The following ENKUR variants were observed in gnomAD, a reference collection of about 807,000 sequenced individuals.
The protein encoded by ENKUR is enkurin.
In ENKUR, 19 loss-of-function variants were observed where a neutral mutation model predicts 27.6. The ratio of observed to expected loss-of-function variants is 0.69; its 90% confidence interval spans 0.48 to 1.01. The LOEUF is 1.01. Ranked by LOEUF, ENKUR falls within the 50% of genes least tolerant of loss-of-function variation. The probability of loss-of-function intolerance (pLI) is 0.00; values close to 1 mark genes in which losing one functional copy is unlikely to be tolerated. For missense variants in ENKUR, 312 were observed against 310.5 expected (o/e 1.00, Z -0.04); for synonymous variants, 117 against 96.9 (o/e 1.21, Z -1.22).
At chr10:25,042,694 G>A (rs1851078086) in intron 2 of ENKUR, among the ~76,000 whole-genome samples, 1 of 151,976 alleles carries the variant, frequency 6.6e-6, no homozygotes, top group Non-Finnish European at 1.5e-5. Context: ...TATACAAAAT[G>A]GAAGAGCACC....
chr10:25,031,174 A>T (rs778466405), intron 2 of ENKUR, among the ~76,000 whole-genome samples: 7 of 152,186 alleles, frequency 4.6e-5, no homozygotes, highest in Admixed American at 1.3e-4. Context: ...CCCAAACCTT[A>T]TGTGCATGCT....
intron 2 of ENKUR, among the ~76,000 whole-genome samples, chr10:25,056,843 C>T (rs1851263026): frequency 1.3e-5 from 2 of 152,158 alleles, no homozygotes; most frequent in South Asian, 4.1e-4. Context: ...CAAAACTTAA[C>T]ACTAGGACCT....
At chr10:25,058,106 G>A (rs566328543) in intron 2 of ENKUR, among the ~76,000 whole-genome samples, 4 of 151,972 alleles carry the variant, frequency 2.6e-5, no homozygotes, top group Admixed American at 1.3e-4. Context: ...CAGAGTCCAC[G>A]AGTAATCTGT....
At chr10:25,022,999 A>G (rs1262288010) in intron 2 of ENKUR, among the ~76,000 whole-genome samples, 2 of 152,208 alleles carry the variant, frequency 1.3e-5, no homozygotes, top group Non-Finnish European at 2.9e-5. Flanking sequence ...ATAATATGCA[A>G]TATATAAGAA....
intron 2 of ENKUR, among the ~76,000 whole-genome samples, chr10:25,059,378 C>T (rs552573451): frequency 5.9e-5 from 9 of 152,178 alleles, no homozygotes; most frequent in South Asian, 2.1e-4. Flanking sequence ...GTGATCCACC[C>T]GCCTCAGCCT....
chr10:25,041,352 A>G (rs1190525651), intron 2 of ENKUR, among the ~76,000 whole-genome samples: 1 of 152,108 alleles, frequency 6.6e-6, no homozygotes, highest in Non-Finnish European at 1.5e-5. Flanking sequence ...TTAAATTTTC[A>G]TATGTCTAGC....
At chr10:24,985,974 G>A (rs937088925) in intron 4 of ENKUR, among the ~76,000 whole-genome samples, 6 of 152,120 alleles carry the variant, frequency 3.9e-5, no homozygotes, top group African/African-American at 7.2e-5. Context: ...AGGCTGAGGT[G>A]GGAGGATCAC....
intron 2 of ENKUR, chr10:25,025,519 T>A: frequency 6.9e-7 from 1 of 1,451,730 alleles, no homozygotes; most frequent in South Asian, 1.4e-5. Context: ...CAAACACTGA[T>A]TTGGAGTACA....
chr10:25,044,593 C>T (rs1359749584), intron 2 of ENKUR, among the ~76,000 whole-genome samples: 2 of 152,140 alleles, frequency 1.3e-5, no homozygotes, highest in Non-Finnish European at 2.9e-5. Flanking sequence ...GACATAGTCT[C>T]GCTATGTTGC....
chr10:25,012,541 T>C (rs61853349), intron 1 of ENKUR, among the ~76,000 whole-genome samples: 244 of 152,308 alleles, frequency 1.6e-3, no homozygotes, highest in Non-Finnish European at 2.5e-3. Flanking sequence ...ATGTGAGACA[T>C]GGAGTCAAAG....
chr10:24,993,299 T>C (rs1413751717), intron 3 of ENKUR, among the ~76,000 whole-genome samples: 1 of 152,210 alleles, frequency 6.6e-6, no homozygotes, highest in Non-Finnish European at 1.5e-5. Context: ...TACTATTCAC[T>C]CTTTGTTCTT....
chr10:25,017,467 G>A (rs995451431), upstream of ENKUR, among the ~76,000 whole-genome samples: 6 of 152,128 alleles, frequency 3.9e-5, no homozygotes, highest in Admixed American at 3.9e-4. Context: ...TTGAGTCTGG[G>A]TTTCTCACTG....
chr10:24,987,333 C>G (rs1849801458), intron 4 of ENKUR, among the ~76,000 whole-genome samples: 1 of 152,060 alleles, frequency 6.6e-6, no homozygotes, highest in Non-Finnish European at 1.5e-5. Context: ...TCACTTCTGT[C>G]AATAATTCCT....
At position 25,015,990 on chromosome 10, in the gene ENKUR, C is replaced by G. The variant is rs1201694495; in HGVS notation, c.-54G>C. On this transcript the variant is annotated 5_prime_UTR_variant, in exon 1 of 6. Coordinates refer to ENST00000331161, the MANE Select transcript of ENKUR (RefSeq NM_145010.4). ...TCTCCACAACTTTTTTCTCCCTGTCCCAGTATCTCCGTCCCTTTCTTCACT... is the reference window on the plus strand; with the variant it reads ...TCTCCACAACTTTTTTCTCCCTGTCGCAGTATCTCCGTCCCTTTCTTCACT... The G allele has an allele frequency of 1.3e-6, 2 of 1,574,658 alleles. No individual in the cohort carries two copies. The highest frequency in any genetic ancestry group is 2.7e-5 in the African/African-American group (2 of 73,508).
chr10:24,996,956 T>C (rs1455049182), intron 2 of ENKUR, among the ~76,000 whole-genome samples: 5 of 152,148 alleles, frequency 3.3e-5, no homozygotes, highest in African/African-American at 7.2e-5. Context: ...CTGGTGTCCT[T>C]AGAAGAGGAA....
chr10:24,997,377 C>CTT lies in ENKUR; in HGVS notation c.224-1510_224-1509dup, dbSNP rs78966878. On this transcript the variant is annotated intron_variant, in intron 2 of 5. Coordinates refer to ENST00000331161, the MANE Select transcript of ENKUR (RefSeq NM_145010.4). ...AAAGCTTTTGCAAAACCCTGCATTCCTTTTTTTTTTTTTTTTCCTCTTTTT... is the reference window on the plus strand; with the variant it reads ...AAAGCTTTTGCAAAACCCTGCATTCCTTTTTTTTTTTTTTTTTTCCTCTTTTT... Among the ~76,000 whole-genome samples, 899 of 139,148 alleles carry CTT rather than the reference C, an allele frequency of 6.5e-3. 12 individuals are homozygous for CTT. Among genetic ancestry groups the CTT allele is most frequent in the African/African-American group, 0.021 (807 of 37,686 alleles). The allele number at this position is 139,148 out of a possible 152,430, so 91.3% of individuals were successfully genotyped here.
At chr10:25,007,595 C>T (rs1194560296) in intron 1 of ENKUR, among the ~76,000 whole-genome samples, 7 of 152,208 alleles carry the variant, frequency 4.6e-5, no homozygotes, top group East Asian at 3.9e-4. Context: ...CCACCACACC[C>T]GGGTAATTTT....
At chr10:25,032,279 A>G (rs1850943163) in intron 2 of ENKUR, among the ~76,000 whole-genome samples, 1 of 147,526 alleles carries the variant, frequency 6.8e-6, no homozygotes, top group Non-Finnish European at 1.5e-5. Context: ...CTTCCTGGAA[A>G]GAAATCCTCC....
chr10:25,036,954 G>A (rs933159095), intron 2 of ENKUR, among the ~76,000 whole-genome samples: 2 of 152,198 alleles, frequency 1.3e-5, no homozygotes, highest in African/African-American at 4.8e-5. Context: ...AAATCACACT[G>A]TGAGATTAAA....
Sources: allele counts gnomAD v4.1 joint callset (sites outside exome capture counted in the v4.1 genomes callset), GRCh38; gene constraint gnomAD v4.1.1; transcripts MANE v1.5; gene names NCBI Gene and HGNC (gene_info 2026-07-23, HGNC 2026-07-21).